AKR1A1: variants seen among roughly 807,000 people sequenced by gnomAD.
AKR1A1 encodes HEL-S-165mP.
In AKR1A1, 26 loss-of-function variants were observed where a neutral mutation model predicts 39.2. The ratio of observed to expected loss-of-function variants is 0.66; its 90% CI spans 0.49 to 0.92. The LOEUF is 0.92. Ranked by LOEUF, AKR1A1 falls within the 40% of genes least tolerant of loss-of-function variation. The pLI, the probability that AKR1A1 is intolerant of heterozygous loss-of-function variation, is 0.00. For missense variants in AKR1A1, 378 were observed against 406.5 expected, an observed-to-expected ratio of 0.93 and a Z score of 0.60; for synonymous variants, 141 against 155.5, an observed-to-expected ratio of 0.91 and a Z score of 0.69.
chr1:45,554,286 G>C (rs1264236277), intron 1 of AKR1A1, among the ~76,000 whole-genome samples: 1 of 151,924 alleles, frequency 6.6e-6, no homozygotes, highest in Non-Finnish European at 1.5e-5. Context: ...AAATGAGCTG[G>C]ACATCGTGGC....
chr1:45,563,976 A>G lies in AKR1A1; in HGVS notation c.84+2098A>G, dbSNP rs1446731345. Among the ~76,000 whole-genome samples the G allele has an allele frequency of 2.0e-5, 3 of 152,334 alleles. No homozygotes were observed. The East Asian group carries it at 5.8e-4, about 29-fold the overall frequency. ...CTATGAGATTTGGCTCCTGCCTGGA[A>G]TGGGGCATTTCCCCAGGGCTTCTTC... On this transcript the variant is annotated intron_variant, in intron 2 of 8. Coordinates refer to ENST00000351829, the MANE Select transcript of AKR1A1 (RefSeq NM_153326.3).
At chr1:45,558,004 G>A (rs1241956024) in intron 1 of AKR1A1, among the ~76,000 whole-genome samples, 1 of 141,782 alleles carries the variant, frequency 7.1e-6, no homozygotes, top group Non-Finnish European at 1.5e-5. Context: ...CTGCCTCCTG[G>A]GTTCAAGCGA....
At chr1:45,554,407 G>A (rs1485665095) in intron 1 of AKR1A1, among the ~76,000 whole-genome samples, 1 of 152,072 alleles carries the variant, frequency 6.6e-6, no homozygotes, top group Non-Finnish European at 1.5e-5. Flanking sequence ...CAGCCTGGAC[G>A]TTAGAGCGAG....
intron 5 of AKR1A1, 59 bp downstream of exon 5, chr1:45,568,236 C>T: frequency 6.5e-7 from 1 of 1,529,702 alleles, no homozygotes; most frequent in Non-Finnish European, 8.9e-7. Flanking sequence ...CATGAGGGAG[C>T]AGACGATGGA....
In AKR1A1 at chr1:45,568,650, A is replaced by G. The variant is rs1224338775; in HGVS notation, c.718A>G (p.Lys240Glu). Reference sequence around the variant, plus strand: ...ACCAGTAGTCCTGGCATTGGCTGAAAAGTATGGCCGATCTCCAGCTCAGAT... The same window carrying G: ...ACCAGTAGTCCTGGCATTGGCTGAAGAGTATGGCCGATCTCCAGCTCAGAT... Reference protein sequence around the residue: ...EEPVVLALAEKYGRSPAQILL... With the variant: ...EEPVVLALAEEYGRSPAQILL... Residue 240 changes from lysine (K) to glutamate (E), a missense_variant, in exon 6 of 9, where the codon AAG becomes GAG. Transcript: ENST00000351829. 6.2e-7 allele frequency: 1 copy of G among 1,613,696 alleles called. No homozygotes were observed. Among genetic ancestry groups the G allele is most frequent in the Non-Finnish European group, 8.5e-7 (1 of 1,179,870 alleles).
At chr1:45,553,775 C>T (rs895598396) in intron 1 of AKR1A1, among the ~76,000 whole-genome samples, 20 of 151,692 alleles carry the variant, frequency 1.3e-4, no homozygotes, top group Admixed American at 2.0e-4. Flanking sequence ...GGGCGGATCA[C>T]GAGGTCAGGA....
chr1:45,563,226 CCCGT>C (rs1427138990), intron 2 of AKR1A1, among the ~76,000 whole-genome samples: 1 of 151,856 alleles, frequency 6.6e-6, no homozygotes. Flanking sequence ...GTGGTGAAAC[CCCGT>C]CTCTACTAAA....
chr1:45,568,343 G>A, intron 5 of AKR1A1, 142 bp from the exon 6 acceptor site: 1 of 1,238,232 alleles, frequency 8.1e-7, no homozygotes, highest in East Asian at 2.5e-5. Flanking sequence ...GAATGAAATT[G>A]CCGATGGGAA....
chr1:45,565,358 G>A (rs540842065), intron 2 of AKR1A1, among the ~76,000 whole-genome samples: 146 of 148,844 alleles, frequency 9.8e-4, no homozygotes, highest in African/African-American at 3.3e-3. Flanking sequence ...TCAAACTCCC[G>A]ACCTCAGGTG....
At chr1:45,561,468 A>G (rs532645738) in intron 1 of AKR1A1, among the ~76,000 whole-genome samples, 63 of 152,152 alleles carry the variant, frequency 4.1e-4, no homozygotes, top group African/African-American at 1.5e-3. Context: ...CAGTGGCGCA[A>G]TCTCAGCTAA....
chr1:45,565,065 A>G (rs1461343132), intron 2 of AKR1A1, among the ~76,000 whole-genome samples: 4 of 131,248 alleles, frequency 3.0e-5, no homozygotes, highest in Non-Finnish European at 4.7e-5. Context: ...CTCATGATCC[A>G]CCCACCTCAG....
At chr1:45,553,716 G>A (rs561707340) in intron 1 of AKR1A1, among the ~76,000 whole-genome samples, 25 of 152,104 alleles carry the variant, frequency 1.6e-4, no homozygotes, top group Non-Finnish European at 2.8e-4. Flanking sequence ...AGGAGAGGCC[G>A]GGTGTGGTGG....
chr1:45,552,095 G>A (rs1035178366), intron 1 of AKR1A1, among the ~76,000 whole-genome samples: 2 of 151,908 alleles, frequency 1.3e-5, no homozygotes, highest in Non-Finnish European at 2.9e-5. Context: ...AGGTTTGTGG[G>A]GGAAATTTAT....
In AKR1A1 at chr1:45,557,912, C is replaced by CTTTTTTTTTTTTTTTTTTTTTT. The variant is rs67386168; in HGVS notation, c.-6-3862_-6-3861insTTTTTTTTTTTTTTTTTTTTTT. Among the ~76,000 whole-genome samples the CTTTTTTTTTTTTTTTTTTTTTT allele has an allele frequency of 1.8e-5, 2 of 112,218 alleles. 1 individual carries two copies. The highest frequency in any genetic ancestry group is 2.1e-4 in the Admixed American group (2 of 9,614). 73.6% of individuals were successfully genotyped at this position (112,218 alleles called of 152,430 possible). A position where few individuals can be genotyped will look rare whatever the true frequency, so the allele number is the denominator to read the frequency against. ...TGTACTGGCTTTACTCACAACTTGT[C>CTTTTTTTTTTTTTTTTTTTTTT]TTTTTTTTTTTTTTTGAGATGGAGC... On this transcript the variant is annotated intron_variant, in intron 1 of 8. Transcript: ENST00000351829.
At chr1:45,569,707 A>G (rs1020587956) in intron 8 of AKR1A1, among the ~76,000 whole-genome samples, 184 bp from the exon 9 acceptor site, 1 of 152,136 alleles carries the variant, frequency 6.6e-6, no homozygotes. Flanking sequence ...ATATCAGGCT[A>G]TGGGTTTGGT....
At chr1:45,554,427 C>G (rs1283145664) in intron 1 of AKR1A1, among the ~76,000 whole-genome samples, 1 of 151,886 alleles carries the variant, frequency 6.6e-6, no homozygotes, top group Non-Finnish European at 1.5e-5. Context: ...GACTCTGTCT[C>G]AATAAATAAG....
chr1:45,565,732 C>T (rs1320776910), intron 2 of AKR1A1, among the ~76,000 whole-genome samples: 2 of 152,008 alleles, frequency 1.3e-5, no homozygotes, highest in Non-Finnish European at 2.9e-5. Flanking sequence ...GCCTCTTCTT[C>T]CCAAAGTGCT....
At chr1:45,558,840 T>G (rs951313411) in intron 1 of AKR1A1, among the ~76,000 whole-genome samples, 8 of 152,196 alleles carry the variant, frequency 5.3e-5, no homozygotes, top group African/African-American at 1.9e-4. Flanking sequence ...ACAGCTTGTC[T>G]TATTACTTGC....
chr1:45,564,328 G>A (rs1438363810), intron 2 of AKR1A1, among the ~76,000 whole-genome samples: 1 of 152,078 alleles, frequency 6.6e-6, no homozygotes, highest in Non-Finnish European at 1.5e-5. Context: ...GAAGTACGTC[G>A]GCACCCGGGT....
Sources: allele counts gnomAD v4.1 joint callset (sites outside exome capture counted in the v4.1 genomes callset), GRCh38; gene constraint gnomAD v4.1.1; transcripts MANE v1.5; gene names NCBI Gene and HGNC (gene_info 2026-07-23, HGNC 2026-07-21).